TECPR2: variants seen among roughly 807,000 people sequenced by gnomAD.
The protein encoded by TECPR2 is tectonin beta-propeller repeat-containing protein 2.
In TECPR2, 65 loss-of-function variants were observed where a neutral mutation model predicts 138.1. The ratio of observed to expected loss-of-function variants is 0.47; its 90% CI spans 0.39 to 0.58. The LOEUF (loss-of-function observed/expected upper bound fraction) is 0.58. TECPR2 is among the 20% of genes least tolerant of loss of function. The pLI, the probability that TECPR2 is intolerant of heterozygous loss-of-function variation, is 0.00. For missense variants in TECPR2, 1,553 were observed against 1,824.5 expected (o/e 0.85, Z 2.71); for synonymous variants, 746 against 749.8 (o/e 0.99, Z 0.08).
At chr14:102,373,724 T>C (rs568894785) in intron 1 of TECPR2, among the ~76,000 whole-genome samples, 71 of 152,188 alleles carry the variant, frequency 4.7e-4, no homozygotes, top group Admixed American at 1.1e-3. Flanking sequence ...TTACTTACCT[T>C]TAAGAAAGTT....
chr14:102,499,475 G>A lies in TECPR2; in HGVS notation c.*1218G>A, dbSNP rs1323945985. On this transcript the variant is annotated 3_prime_UTR_variant, in exon 20 of 20. Transcript: ENST00000359520. Reference sequence around the variant, plus strand: ...ACTGTCCTCGCCTGCAGCCTCAGAGGGGCAGGCATCCCCGCACAGACTTGA... The same window carrying A: ...ACTGTCCTCGCCTGCAGCCTCAGAGAGGCAGGCATCCCCGCACAGACTTGA... 1.9e-6 allele frequency: 1 copy of A among 523,542 alleles called. No homozygotes were observed. 32.4% of individuals were successfully genotyped at this position (523,542 alleles called of 1,614,324 possible). A position where few individuals can be genotyped will look rare whatever the true frequency, so the allele number is the denominator to read the frequency against.
chr14:102,390,026 A>C (rs1192354253), intron 2 of TECPR2, among the ~76,000 whole-genome samples: 1 of 152,234 alleles, frequency 6.6e-6, no homozygotes, highest in African/African-American at 2.4e-5. Flanking sequence ...ATTTGGTCTT[A>C]AATATTTCAA....
At chr14:102,386,474 A>G (rs1888008730) in intron 2 of TECPR2, among the ~76,000 whole-genome samples, 1 of 152,166 alleles carries the variant, frequency 6.6e-6, no homozygotes, top group Non-Finnish European at 1.5e-5. Flanking sequence ...TGTCTCAAAA[A>G]TAAAATAAAG....
At chr14:102,442,389 G>A (rs1889859234) in intron 11 of TECPR2, among the ~76,000 whole-genome samples, 1 of 152,234 alleles carries the variant, frequency 6.6e-6, no homozygotes, top group African/African-American at 2.4e-5. Context: ...TGGGTGCACA[G>A]CCATGCTGGC....
At chr14:102,483,370 C>T (rs987633737) in intron 17 of TECPR2, among the ~76,000 whole-genome samples, 3 of 151,750 alleles carry the variant, frequency 2.0e-5, no homozygotes, top group African/African-American at 7.3e-5. Context: ...TCTTGTTTTC[C>T]TTTTTTTGTT....
rs1206148815 is a variant in TECPR2, at chr14:102,411,726, A to G, written c.481-2910A>G. Reference sequence around the variant, plus strand: ...AAAAAAAAAAAAAAAAAAAAAAAAAAAAAAAGAAGATGGCTGGATTCTGCA... The same window carrying G: ...AAAAAAAAAAAAAAAAAAAAAAAAAGAAAAAGAAGATGGCTGGATTCTGCA... On this transcript the variant is annotated intron_variant, in intron 4 of 19. Coordinates refer to ENST00000359520, the MANE Select transcript of TECPR2 (RefSeq NM_014844.5). Among the ~76,000 whole-genome samples the G allele has an allele frequency of 4.5e-5, 6 of 132,756 alleles. 1 individual carries two copies. Among genetic ancestry groups the G allele is most frequent in the Non-Finnish European group, 9.9e-5 (6 of 60,834 alleles). 87.1% of individuals were successfully genotyped at this position (132,756 alleles called of 152,430 possible). A position where few individuals can be genotyped will look rare whatever the true frequency, so the allele number is the denominator to read the frequency against.
intron 17 of TECPR2, among the ~76,000 whole-genome samples, chr14:102,480,841 GTTT>G (rs71119706): frequency 2.7e-5 from 2 of 75,178 alleles, no homozygotes; most frequent in Non-Finnish European, 2.3e-5. Flanking sequence ...TTGGTTTTGG[GTTT>G]TTTTTTTTTT....
chr14:102,467,109 A>C (rs1372961989), intron 17 of TECPR2, among the ~76,000 whole-genome samples: 1 of 152,198 alleles, frequency 6.6e-6, no homozygotes, highest in Non-Finnish European at 1.5e-5. Flanking sequence ...GGCTACTGTG[A>C]ATAATGCTGC....
chr14:102,423,994 CA>C (rs1889249375), intron 5 of TECPR2, among the ~76,000 whole-genome samples: 1 of 152,172 alleles, frequency 6.6e-6, no homozygotes, highest in Non-Finnish European at 1.5e-5. Flanking sequence ...TCCTCTCCTC[CA>C]AAACGGGAGT....
At chr14:102,381,285 C>T (rs1187866052) in intron 2 of TECPR2, among the ~76,000 whole-genome samples, 1 of 152,156 alleles carries the variant, frequency 6.6e-6, no homozygotes, top group Non-Finnish European at 1.5e-5. Context: ...TTTAAAGTGG[C>T]TGAGAGGCCG....
At chr14:102,464,097 C>T (rs7150190) in intron 16 of TECPR2, among the ~76,000 whole-genome samples, 1,590 of 152,302 alleles carry the variant, frequency 0.01, 30 homozygotes, top group African/African-American at 0.036. Context: ...CACCTCCTGC[C>T]GTGTGGCCCT....
intron 17 of TECPR2, among the ~76,000 whole-genome samples, chr14:102,470,369 G>A (rs139374952): frequency 1.1e-4 from 17 of 150,678 alleles, no homozygotes; most frequent in East Asian, 5.9e-4. Context: ...GGATGTTGGC[G>A]CGATCTCGGC....
chr14:102,450,843 G>A (rs931862890), intron 15 of TECPR2, among the ~76,000 whole-genome samples, 194 bp downstream of exon 15: 1 of 152,220 alleles, frequency 6.6e-6, no homozygotes. Context: ...GACCAGGAGA[G>A]CCTCTGAGAG....
At chr14:102,484,292 G>A (rs1235957331) in intron 17 of TECPR2, among the ~76,000 whole-genome samples, 1 of 152,264 alleles carries the variant, frequency 6.6e-6, no homozygotes, top group Admixed American at 6.5e-5. Flanking sequence ...GATGGCTGTA[G>A]AGTCAGTCTT....
At chr14:102,377,039 A>G in intron 2 of TECPR2, 99 bp downstream of exon 2, 2 of 1,282,546 alleles carry the variant, frequency 1.6e-6, no homozygotes, top group Non-Finnish European at 2.2e-6. Context: ...CTGATTTGCC[A>G]GAATATGGCC....
chr14:102,422,451 G>A (rs1889210539), intron 5 of TECPR2, among the ~76,000 whole-genome samples: 1 of 152,190 alleles, frequency 6.6e-6, no homozygotes, highest in Non-Finnish European at 1.5e-5. Context: ...ACCTGTGGAC[G>A]CTGAGTAGGA....
intron 17 of TECPR2, among the ~76,000 whole-genome samples, chr14:102,476,545 G>A (rs1356060085): frequency 6.6e-6 from 1 of 152,122 alleles, no homozygotes; most frequent in Non-Finnish European, 1.5e-5. Flanking sequence ...CCACACTGAA[G>A]CCCAGAGGGA....
intron 17 of TECPR2, among the ~76,000 whole-genome samples, chr14:102,469,888 A>G (rs1364075777): frequency 6.6e-6 from 1 of 152,194 alleles, no homozygotes; most frequent in African/African-American, 2.4e-5. Context: ...ATGATATATT[A>G]TACTGATGGA....
intron 17 of TECPR2, among the ~76,000 whole-genome samples, chr14:102,486,554 C>T (rs1296961126): frequency 6.6e-6 from 1 of 152,218 alleles, no homozygotes; most frequent in African/African-American, 2.4e-5. Flanking sequence ...CATGAAACTG[C>T]CCCTTCCACA....
Sources: gnomAD v4.1 joint callset for allele counts (sites outside exome capture counted in the v4.1 genomes callset) on GRCh38, gnomAD v4.1.1 for gene constraint, MANE v1.5 for transcripts, NCBI Gene and HGNC (gene_info 2026-07-23, HGNC 2026-07-21) for gene names.